The following ARMC2 variants were observed in gnomAD, a reference collection of about 807,000 sequenced individuals.
ARMC2 encodes the protein armadillo repeat containing 2, also known as armadillo repeat-containing protein 2.
ARMC2 carries 67 observed loss-of-function variants against 90.3 expected under a neutral mutation model. The observed-to-expected ratio is 0.74, with a 90% CI of 0.61 to 0.91. The LOEUF (loss-of-function observed/expected upper bound fraction) is 0.91, where lower values mean the gene tolerates loss of function less well. Ranked by LOEUF, ARMC2 falls within the 40% of genes least tolerant of loss-of-function variation. ARMC2 has a pLI of 0.00. For synonymous variants in ARMC2, 393 were observed against 393.0 expected (o/e 1.00, Z 0.00); for missense variants, 920 against 1,030.9 (o/e 0.89, Z 1.47).
chr6:108,863,323 TC>T (rs1433846407), intron 3 of ARMC2, among the ~76,000 whole-genome samples: 1 of 151,968 alleles, frequency 6.6e-6, no homozygotes, highest in African/African-American at 2.4e-5. Flanking sequence ...CCTCAAGTGA[TC>T]CCCCCACCTT....
Position 108,964,330 on chromosome 6 carries a change from G to C in ARMC2, c.2285+18G>C, listed in dbSNP as rs1428008919. On this transcript the variant is annotated intron_variant, in intron 16 of 17. Transcript: ENST00000392644. Reference sequence around the variant, plus strand: ...ATTAAAAAGTAAGTTTCAGGGCGTAGAGTACTGACTCTCTCAGGATTTGAA... The same window carrying C: ...ATTAAAAAGTAAGTTTCAGGGCGTACAGTACTGACTCTCTCAGGATTTGAA... 6.2e-7 allele frequency: 1 copy of C among 1,611,954 alleles called. No individual in the cohort carries two copies. The highest frequency in any genetic ancestry group is 8.5e-7 in the Non-Finnish European group (1 of 1,178,868).
At chr6:108,982,720 TAGTC>T in the ARMC2 span, among the ~76,000 whole-genome samples, 115 of 152,308 alleles carry the variant, frequency 7.6e-4, no homozygotes, top group African/African-American at 1.8e-3. Flanking sequence ...TTTTTATAAT[TAGTC>T]AGGCTGAGCA....
intron 17 of ARMC2, among the ~76,000 whole-genome samples, chr6:108,968,374 T>C (rs1778521625): frequency 6.6e-6 from 1 of 152,208 alleles, no homozygotes; most frequent in Non-Finnish European, 1.5e-5. Flanking sequence ...AGAACACCCT[T>C]ACTCCACTGC....
chr6:108,878,041 C>T (rs1777109183), intron 5 of ARMC2, among the ~76,000 whole-genome samples: 1 of 152,118 alleles, frequency 6.6e-6, no homozygotes, highest in African/African-American at 2.4e-5. Flanking sequence ...TGAATCTTTA[C>T]CTCCTTTAAT....
In ARMC2 at chr6:108,876,186, C is replaced by CTGT; in HGVS notation, c.508_509insGTT (p.Asp169_Ser170insCys). 1 of 1,612,534 alleles carries CTGT rather than the reference C, an allele frequency of 6.2e-7. No homozygotes were observed. The highest frequency in any genetic ancestry group is 8.5e-7 in the Non-Finnish European group (1 of 1,179,442). On this transcript the variant is annotated inframe_insertion, in exon 5 of 18. Transcript: ENST00000392644. ...CCAAAGAAACAGTTATGATGGGGGA[C>CTGT]TCTATGGTGAAAATAAATGGGATTT...
At chr6:108,959,227 A>G (rs942610968) in intron 13 of ARMC2, among the ~76,000 whole-genome samples, 1 of 152,096 alleles carries the variant, frequency 6.6e-6, no homozygotes, top group Non-Finnish European at 1.5e-5. Flanking sequence ...GCAGCCTACA[A>G]ATGACTGAGC....
At chr6:108,964,493 G>A (rs1778220564) in intron 16 of ARMC2, among the ~76,000 whole-genome samples, 181 bp downstream of exon 16, 2 of 152,156 alleles carry the variant, frequency 1.3e-5, no homozygotes, top group Non-Finnish European at 2.9e-5. Flanking sequence ...GCAGAAGTAG[G>A]CCAGGTGTGG....
intron 2 of ARMC2, among the ~76,000 whole-genome samples, chr6:108,857,440 G>A (rs931326364): frequency 6.6e-6 from 1 of 152,074 alleles, no homozygotes; most frequent in Non-Finnish European, 1.5e-5. Flanking sequence ...TTTCTACATA[G>A]ATAATCCTGT....
chr6:109,022,072 T>C, the ARMC2 span, among the ~76,000 whole-genome samples: 4 of 152,002 alleles, frequency 2.6e-5, no homozygotes, highest in Non-Finnish European at 4.4e-5. Context: ...CTTCCCAGTA[T>C]ATATTTTTTG....
the ARMC2 span, chr6:108,990,826 A>C: frequency 1.1e-5 from 17 of 1,613,714 alleles, no homozygotes; most frequent in South Asian, 1.9e-4. Flanking sequence ...TGATCTTCCC[A>C]GCAATAGTCC....
chr6:109,009,498 G>A, the ARMC2 span: 4 of 1,224,350 alleles, frequency 3.3e-6, no homozygotes, highest in East Asian at 1.4e-4. Flanking sequence ...CGGAGGCGGC[G>A]AGCGCTGGGC....
At chr6:109,007,192 G>T in the ARMC2 span, among the ~76,000 whole-genome samples, 1 of 152,114 alleles carries the variant, frequency 6.6e-6, no homozygotes. Context: ...GTGAAAATTC[G>T]TAGTGAATGT....
chr6:108,872,265 A>C (rs2128433374), intron 4 of ARMC2, among the ~76,000 whole-genome samples: 2 of 152,364 alleles, frequency 1.3e-5, no homozygotes, highest in Admixed American at 1.3e-4. Flanking sequence ...AAAGGCCAGC[A>C]GTATAACTGC....
chr6:108,911,936 C>G (rs1295121378), intron 9 of ARMC2, among the ~76,000 whole-genome samples: 1 of 151,814 alleles, frequency 6.6e-6, no homozygotes, highest in Non-Finnish European at 1.5e-5. Context: ...CATGGATTTC[C>G]CACTAAGAAT....
chr6:108,851,213 A>G (rs1773981661), intron 1 of ARMC2, among the ~76,000 whole-genome samples: 1 of 151,938 alleles, frequency 6.6e-6, no homozygotes, highest in Non-Finnish European at 1.5e-5. Context: ...TCACTTGCCG[A>G]CTTTGTTGGA....
chr6:108,978,495 T>C (rs1450123771), downstream of ARMC2, among the ~76,000 whole-genome samples: 2 of 152,234 alleles, frequency 1.3e-5, no homozygotes, highest in African/African-American at 2.4e-5. Flanking sequence ...GAGAGTTCTG[T>C]AGATGTCTAT....
intron 12 of ARMC2, among the ~76,000 whole-genome samples, chr6:108,944,450 G>T (rs930932801): frequency 5.3e-5 from 8 of 152,170 alleles, no homozygotes; most frequent in Non-Finnish European, 1.2e-4. Flanking sequence ...GAGGCTTCAA[G>T]CACTGGCCAG....
chr6:108,942,379 T>C (rs1382949509), intron 12 of ARMC2, among the ~76,000 whole-genome samples: 2 of 152,190 alleles, frequency 1.3e-5, no homozygotes, highest in Non-Finnish European at 2.9e-5. Flanking sequence ...CAGAATCCCT[T>C]CAGACCAGCA....
intron 7 of ARMC2, among the ~76,000 whole-genome samples, chr6:108,902,373 G>A (rs2128463330): frequency 6.6e-6 from 1 of 152,312 alleles, no homozygotes; most frequent in Non-Finnish European, 1.5e-5. Flanking sequence ...GAACCTACCA[G>A]GCTGAAGAGT....
Sources: gnomAD v4.1 joint callset for allele counts (sites outside exome capture counted in the v4.1 genomes callset) on GRCh38, gnomAD v4.1.1 for gene constraint, MANE v1.5 for transcripts, NCBI Gene and HGNC (gene_info 2026-07-23, HGNC 2026-07-21) for gene names.